The following CDH13 variants were observed in gnomAD, a reference collection of about 807,000 sequenced individuals.
CDH13 encodes the protein cadherin 13.
Under a neutral mutation model 63.8 loss-of-function variants are expected in CDH13, and 24 were observed. That is an observed-to-expected ratio of 0.38 (90% CI 0.27 to 0.53). The LOEUF (loss-of-function observed/expected upper bound fraction) is 0.53, where lower values mean the gene tolerates loss of function less well. CDH13 is among the 20% of genes least tolerant of loss of function. The pLI is 0.85. For missense variants in CDH13, 1,049 were observed against 903.1 expected (o/e 1.16, Z -2.07); for synonymous variants, 503 against 355.3 (o/e 1.42, Z -4.67).
chr16:83,394,220 G>A (rs973107436), intron 6 of CDH13, among the ~76,000 whole-genome samples: 2 of 151,580 alleles, frequency 1.3e-5, no homozygotes, highest in Non-Finnish European at 2.9e-5. Flanking sequence ...TAGCAAAACT[G>A]CACATGTACC....
chr16:83,777,380 G>A (rs984228540), intron 11 of CDH13, among the ~76,000 whole-genome samples: 2 of 152,214 alleles, frequency 1.3e-5, no homozygotes, highest in African/African-American at 4.8e-5. Context: ...GACTTTGCAT[G>A]TAGAGCCACA....
chr16:83,161,415 G>C (rs2037437919), intron 4 of CDH13, among the ~76,000 whole-genome samples: 1 of 152,112 alleles, frequency 6.6e-6, no homozygotes, highest in African/African-American at 2.4e-5. Context: ...TTTTAAATGA[G>C]TAATTCTAAT....
At chr16:83,665,446 C>G (rs1483828056) in intron 8 of CDH13, among the ~76,000 whole-genome samples, 1 of 152,178 alleles carries the variant, frequency 6.6e-6, no homozygotes. Context: ...ACCCATTAGA[C>G]TATTGGGAAG....
chr16:82,867,814 A>T (rs188340190), intron 2 of CDH13, among the ~76,000 whole-genome samples: 2 of 152,330 alleles, frequency 1.3e-5, no homozygotes, highest in East Asian at 1.9e-4. Flanking sequence ...TTTCATGTGG[A>T]TAGTAATAAA....
At chr16:83,618,582 A>G (rs898143817) in intron 8 of CDH13, among the ~76,000 whole-genome samples, 2 of 152,182 alleles carry the variant, frequency 1.3e-5, no homozygotes, top group Admixed American at 1.3e-4. Flanking sequence ...CCAGCCCTGC[A>G]CTAACATAGC....
At position 82,996,851 on chromosome 16, in the gene CDH13, G is replaced by T. The variant is rs576393256; in HGVS notation, c.158-35159G>T. ...TGATGGTGATGGTGGTGATAGTAAT[G>T]ATTACGGTGGTGGTGATGATGATTC... On this transcript the variant is annotated intron_variant, in intron 2 of 13. Transcript: ENST00000567109. Among the ~76,000 whole-genome samples, 115 of 152,014 alleles carry T rather than the reference G, an allele frequency of 7.6e-4. 1 individual carries two copies. Among genetic ancestry groups the T allele is most frequent in the African/African-American group, 2.7e-3 (111 of 41,466 alleles).
chr16:83,654,343 A>T (rs1288571394), intron 8 of CDH13, among the ~76,000 whole-genome samples: 2 of 152,028 alleles, frequency 1.3e-5, no homozygotes, highest in African/African-American at 4.8e-5. Flanking sequence ...GGTTTATCTG[A>T]ACATTAGGGT....
At chr16:82,934,937 A>G (rs1269919623) in intron 2 of CDH13, among the ~76,000 whole-genome samples, 2 of 152,184 alleles carry the variant, frequency 1.3e-5, no homozygotes, top group Admixed American at 6.5e-5. Flanking sequence ...TGTTCTTCTG[A>G]GTCCTCCAAA....
chr16:83,166,070 A>T (rs1174904081), intron 4 of CDH13, among the ~76,000 whole-genome samples: 1 of 152,114 alleles, frequency 6.6e-6, no homozygotes, highest in Non-Finnish European at 1.5e-5. Context: ...GTCAGAAAGC[A>T]TTTTGCCATT....
rs187465407 is a variant in CDH13, at chr16:82,941,497, C to T, written c.157+83024C>T. ...CATCATCTTTACATTGCACAATCCA[C>T]GTGTAGAAAATAGCCCTTCCCTTTC... On this transcript the variant is annotated intron_variant, in intron 2 of 13. Transcript: ENST00000567109. 8.9e-4 allele frequency among the ~76,000 whole-genome samples: 136 copies of T among 152,306 alleles called. 4 individuals carry two copies. The South Asian group carries it at 0.026, about 29-fold the overall frequency.
At chr16:83,755,383 A>T (rs1913422890) in intron 11 of CDH13, among the ~76,000 whole-genome samples, 1 of 152,162 alleles carries the variant, frequency 6.6e-6, no homozygotes, top group African/African-American at 2.4e-5. Context: ...CAGAAAAAAA[A>T]ATTTGAAGAT....
intron 3 of CDH13, among the ~76,000 whole-genome samples, chr16:83,057,009 C>T (rs559745800): frequency 3.9e-5 from 6 of 152,262 alleles, no homozygotes; most frequent in African/African-American, 1.2e-4. Flanking sequence ...ACTCTGTCGC[C>T]AGTCTGGAGT....
At chr16:82,667,239 G>A (rs928379206) in intron 1 of CDH13, among the ~76,000 whole-genome samples, 1 of 152,192 alleles carries the variant, frequency 6.6e-6, no homozygotes, top group Non-Finnish European at 1.5e-5. Context: ...ATAAAGCAGA[G>A]AGCTTATACA....
At chr16:82,712,458 A>G (rs563993391) in intron 1 of CDH13, among the ~76,000 whole-genome samples, 1 of 152,152 alleles carries the variant, frequency 6.6e-6, no homozygotes, top group Non-Finnish European at 1.5e-5. Flanking sequence ...ATTCTTCTCC[A>G]TGGTAATAAA....
chr16:83,255,569 T>C (rs1414318803), intron 5 of CDH13, among the ~76,000 whole-genome samples: 1 of 152,230 alleles, frequency 6.6e-6, no homozygotes, highest in Non-Finnish European at 1.5e-5. Context: ...AGCTTGGCTC[T>C]TTCTACAAGG....
intron 1 of CDH13, among the ~76,000 whole-genome samples, chr16:82,637,428 C>CTTTTATTTT (rs1908793158): frequency 1.2e-5 from 1 of 81,654 alleles, no homozygotes; most frequent in African/African-American, 5.2e-5. Context: ...GTTACTGTGC[C>CTTTTATTTT]TTTTTTTTTT....
chr16:83,222,797 A>T (rs913325086), intron 5 of CDH13, among the ~76,000 whole-genome samples: 1 of 152,138 alleles, frequency 6.6e-6, no homozygotes, highest in Non-Finnish European at 1.5e-5. Flanking sequence ...GTGCCAAGTA[A>T]CCTAGCTGAC....
At chr16:83,656,338 G>C (rs943050966) in intron 8 of CDH13, among the ~76,000 whole-genome samples, 1 of 152,172 alleles carries the variant, frequency 6.6e-6, no homozygotes, top group Non-Finnish European at 1.5e-5. Context: ...ATTTGTTTTG[G>C]TGGAGTCGGG....
At chr16:82,972,261 T>C (rs1908868549) in intron 2 of CDH13, among the ~76,000 whole-genome samples, 1 of 152,152 alleles carries the variant, frequency 6.6e-6, no homozygotes, top group Non-Finnish European at 1.5e-5. Context: ...AGAAACGGCC[T>C]GGGCAGACCA....
Sources: gnomAD v4.1 joint callset for allele counts (sites outside exome capture counted in the v4.1 genomes callset) on GRCh38, gnomAD v4.1.1 for gene constraint, MANE v1.5 for transcripts, NCBI Gene and HGNC (gene_info 2026-07-23, HGNC 2026-07-21) for gene names.